The following ABL2 variants were observed in gnomAD, a reference collection of about 807,000 sequenced individuals.
ABL2 encodes tyrosine-protein kinase ABL2.
Under a neutral mutation model 107.7 loss-of-function variants are expected in ABL2, and 49 were observed. The observed-to-expected ratio is 0.45, with a 90% CI of 0.36 to 0.58. The LOEUF (loss-of-function observed/expected upper bound fraction) is 0.58. Among genes scored for constraint, ABL2 ranks in the 20% least tolerant of loss-of-function variants. ABL2 has a pLI of 0.00. For missense variants in ABL2, 1,245 were observed against 1,457.0 expected (o/e 0.85, Z 2.37); for synonymous variants, 549 against 548.6 (o/e 1.00, Z -0.01).
In ABL2 at chr1:179,104,421, T is replaced by C. The variant is rs1653340564; in HGVS notation, c.*3297A>G. 4.6e-6 allele frequency: 1 copy of C among 218,020 alleles called. No homozygotes were observed. The highest frequency in any genetic ancestry group is 2.2e-5 in the African/African-American group (1 of 44,552). 13.5% of individuals were successfully genotyped at this position (218,020 alleles called of 1,614,324 possible). A position where few individuals can be genotyped will look rare whatever the true frequency, so the allele number is the denominator to read the frequency against. ...AGCATGCTTTATTACCTGGGACATA[T>C]TTTACTAGCCAATTTTCAGTTGAAT... On this transcript the variant is annotated 3_prime_UTR_variant, in exon 12 of 12. Transcript: ENST00000502732.
At chr1:179,165,147 C>G (rs1225648260) in intron 1 of ABL2, among the ~76,000 whole-genome samples, 1 of 152,088 alleles carries the variant, frequency 6.6e-6, no homozygotes, top group African/African-American at 2.4e-5. Flanking sequence ...CATTGTGACA[C>G]AGCATGTAAA....
At chr1:179,132,069 C>A (rs1656385293) in intron 2 of ABL2, among the ~76,000 whole-genome samples, 1 of 151,702 alleles carries the variant, frequency 6.6e-6, no homozygotes, top group South Asian at 2.1e-4. Context: ...TTTTTTTGGC[C>A]AACATGGCAA....
intron 1 of ABL2, among the ~76,000 whole-genome samples, chr1:179,168,423 C>G (rs1026331387): frequency 4.7e-5 from 7 of 150,414 alleles, no homozygotes; most frequent in Non-Finnish European, 7.4e-5. Flanking sequence ...TGTTTTTTGT[C>G]CCTCAAATAT....
chr1:179,134,865 G>C (rs1180955781), intron 1 of ABL2, among the ~76,000 whole-genome samples: 3 of 152,364 alleles, frequency 2.0e-5, no homozygotes, highest in East Asian at 3.9e-4. Flanking sequence ...GAGTGCCTGC[G>C]AGTGCAGGCG....
intron 1 of ABL2, among the ~76,000 whole-genome samples, chr1:179,203,894 C>A (rs532737558): frequency 1.3e-5 from 2 of 152,206 alleles, no homozygotes; most frequent in South Asian, 2.1e-4. Flanking sequence ...TGTGGCCTTG[C>A]GCACGTTATT....
chr1:179,108,315 T>C lies in ABL2; in HGVS notation c.2952A>G (p.Pro984=), dbSNP rs1572599853. ...RPRRVKPKCA[P]PPPPVMRLLQ... is the part of the protein sequence containing the mutation. ...GTAGTCTCATCACTGGTGGTGGGGG[T>C]GGGGCACACTTTGGTTTTACCCGTC... Residue 984 remains proline (P), a synonymous_variant, in exon 12 of 12, where the codon CCA becomes CCG. Coordinates refer to ENST00000502732, the MANE Select transcript of ABL2 (RefSeq NM_007314.4). 3.1e-6 allele frequency: 5 copies of C among 1,612,254 alleles called. No individual in the cohort carries two copies. In the South Asian group the frequency reaches 5.5e-5, roughly 18 times the overall value.
At chr1:179,200,038 CCTTTT>C (rs749532610) in intron 1 of ABL2, among the ~76,000 whole-genome samples, 5 of 118,958 alleles carry the variant, frequency 4.2e-5, no homozygotes, top group African/African-American at 9.6e-5. Flanking sequence ...GCCCCCAATG[CCTTTT>C]TTTTTTTTTT....
intron 1 of ABL2, among the ~76,000 whole-genome samples, chr1:179,217,176 C>T (rs1662609825): frequency 6.6e-6 from 1 of 151,360 alleles, no homozygotes; most frequent in Non-Finnish European, 1.5e-5. Flanking sequence ...CACCTGTAAT[C>T]CCAGCTACAC....
At chr1:179,166,776 C>CAAAAAAAA (rs34173352) in intron 1 of ABL2, among the ~76,000 whole-genome samples, 10 of 75,380 alleles carry the variant, frequency 1.3e-4, no homozygotes, top group Admixed American at 2.8e-4. Flanking sequence ...GACTTCATCT[C>CAAAAAAAA]AAAAAAAAAA....
At chr1:179,156,373 A>G (rs1053722046) in intron 1 of ABL2, among the ~76,000 whole-genome samples, 1 of 152,238 alleles carries the variant, frequency 6.6e-6, no homozygotes, top group African/African-American at 2.4e-5. Context: ...TAGAAGTAAG[A>G]AGGAGAAAAA....
rs1197521495 is a variant in ABL2, at chr1:179,217,577, G to A, written c.157+11664C>T. Among the ~76,000 whole-genome samples, 7 of 149,854 alleles carry A rather than the reference G, an allele frequency of 4.7e-5. No homozygotes were observed. In the East Asian group the frequency reaches 5.9e-4, roughly 13 times the overall value. The stretch of plus-strand genomic sequence containing the variant: ...GTGGGTGGAGGTTGCAGTGAGCCTC[G>A]ATCGTGCCATTGCACTCCAGCCTGG... On this transcript the variant is annotated intron_variant, in intron 1 of 11. Transcript: ENST00000502732.
chr1:179,135,686 CG>C (rs1656847578), intron 1 of ABL2, among the ~76,000 whole-genome samples: 1 of 145,984 alleles, frequency 6.9e-6, no homozygotes. Context: ...CCGCCCCATC[CG>C]GGAGGTGAGG....
At chr1:179,174,600 C>G (rs1280864595) in intron 1 of ABL2, among the ~76,000 whole-genome samples, 1 of 150,372 alleles carries the variant, frequency 6.7e-6, no homozygotes, top group Non-Finnish European at 1.5e-5. Flanking sequence ...CTTCATATTA[C>G]TTCAGCCCAG....
intron 1 of ABL2, among the ~76,000 whole-genome samples, chr1:179,138,694 C>G (rs926694336): frequency 6.6e-6 from 1 of 152,218 alleles, no homozygotes; most frequent in African/African-American, 2.4e-5. Flanking sequence ...TCACAGCCCT[C>G]GCTCGCTCTC....
chr1:179,166,060 G>A (rs1001995635), intron 1 of ABL2, among the ~76,000 whole-genome samples: 6 of 152,076 alleles, frequency 3.9e-5, no homozygotes, highest in African/African-American at 7.2e-5. Flanking sequence ...GCCTCCCTAA[G>A]TGCTGGGATT....
chr1:179,152,705 A>C (rs1384164029), intron 1 of ABL2, among the ~76,000 whole-genome samples: 1 of 152,232 alleles, frequency 6.6e-6, no homozygotes, highest in Non-Finnish European at 1.5e-5. Context: ...TAGTAGCAGC[A>C]CAATGTGCTA....
At chr1:179,172,725 T>C (rs1659794115) in intron 1 of ABL2, among the ~76,000 whole-genome samples, 1 of 152,184 alleles carries the variant, frequency 6.6e-6, no homozygotes, top group African/African-American at 2.4e-5. Flanking sequence ...CCTCAAATTA[T>C]GCAAGAAAGC....
chr1:179,201,697 C>T (rs1420409610), intron 1 of ABL2: 6 of 629,280 alleles, frequency 9.5e-6, no homozygotes, highest in Non-Finnish European at 1.7e-5. Context: ...TCTTTCTTGA[C>T]GTAGGTCAGA....
intron 1 of ABL2, among the ~76,000 whole-genome samples, chr1:179,189,666 C>T (rs561625544): frequency 1.3e-5 from 2 of 152,228 alleles, no homozygotes; most frequent in Admixed American, 1.3e-4. Flanking sequence ...GTGTTTTGGC[C>T]TACTCTCACC....
Sources: allele counts gnomAD v4.1 joint callset (sites outside exome capture counted in the v4.1 genomes callset), GRCh38; gene constraint gnomAD v4.1.1; transcripts MANE v1.5; gene names NCBI Gene and HGNC (gene_info 2026-07-23, HGNC 2026-07-21).